The following UBE2E2 variants were observed in gnomAD, a reference collection of about 807,000 sequenced individuals.
UBE2E2 encodes the protein ubiquitin-conjugating enzyme E2 E2.
Under a neutral mutation model 24.7 loss-of-function variants are expected in UBE2E2, and 6 were observed. The observed-to-expected ratio is 0.24, with a 90% CI of 0.13 to 0.48. The LOEUF is 0.48. Among genes scored for constraint, UBE2E2 ranks in the 20% least tolerant of loss-of-function variants. The pLI is 0.99. For missense variants in UBE2E2, 169 were observed against 245.0 expected (o/e 0.69, Z 2.07); for synonymous variants, 104 against 83.6 (o/e 1.24, Z -1.33).
At chr3:23,293,646 G>A (rs1304003919) in intron 3 of UBE2E2, among the ~76,000 whole-genome samples, 1 of 152,166 alleles carries the variant, frequency 6.6e-6, no homozygotes, top group African/African-American at 2.4e-5. Context: ...AAGATTGAAT[G>A]AGCTATTATT....
intron 3 of UBE2E2, among the ~76,000 whole-genome samples, chr3:23,273,320 A>T (rs1205328656): frequency 1.3e-5 from 2 of 152,124 alleles, no homozygotes; most frequent in African/African-American, 4.8e-5. Context: ...TGGGCGGATC[A>T]CGAGGTCAGG....
chr3:23,537,482 C>T (rs1695293305), intron 5 of UBE2E2, among the ~76,000 whole-genome samples: 1 of 152,128 alleles, frequency 6.6e-6, no homozygotes, highest in South Asian at 2.1e-4. Flanking sequence ...ACTAATTAAC[C>T]CTCAGCCTTG....
At chr3:23,376,340 C>T (rs1389285174) in intron 3 of UBE2E2, among the ~76,000 whole-genome samples, 2 of 152,156 alleles carry the variant, frequency 1.3e-5, no homozygotes, top group African/African-American at 4.8e-5. Context: ...GGTATGATTT[C>T]ATGAATCACA....
intron 5 of UBE2E2, among the ~76,000 whole-genome samples, chr3:23,584,726 GTTTTTTTT>G (rs1158915900): frequency 8.8e-6 from 1 of 113,502 alleles, no homozygotes; most frequent in African/African-American, 3.7e-5. Flanking sequence ...GCTGTTTTTT[GTTTTTTTT>G]TTTTTTTTTT....
chr3:23,497,864 T>A (rs965911668), intron 3 of UBE2E2, among the ~76,000 whole-genome samples: 4 of 152,166 alleles, frequency 2.6e-5, no homozygotes, highest in Non-Finnish European at 5.9e-5. Context: ...CTTAACTAGA[T>A]GAGCCTATAT....
At chr3:23,528,799 C>G (rs541416866) in intron 4 of UBE2E2, among the ~76,000 whole-genome samples, 1 of 152,280 alleles carries the variant, frequency 6.6e-6, no homozygotes, top group South Asian at 2.1e-4. Flanking sequence ...TCCTTTCTGC[C>G]TAGGTATTTC....
chr3:23,411,979 A>C (rs892651968), intron 3 of UBE2E2, among the ~76,000 whole-genome samples: 25 of 152,178 alleles, frequency 1.6e-4, no homozygotes, highest in Non-Finnish European at 3.7e-4. Flanking sequence ...ATAAGTGTAG[A>C]GAGAAGTAGA....
intron 3 of UBE2E2, among the ~76,000 whole-genome samples, chr3:23,479,313 A>G (rs917238809): frequency 2.6e-5 from 4 of 152,204 alleles, no homozygotes; most frequent in African/African-American, 9.6e-5. Context: ...GCTCCATGCA[A>G]GACTGTGGCT....
Position 23,443,439 on chromosome 3 carries a change from C to T in UBE2E2, c.228-56169C>T, listed in dbSNP as rs151225507. ...CTGCCACCACTCAGTCCTGTAGGTT[C>T]GTTCCTGAAAACTCTCATAAACTGT... On this transcript the variant is annotated intron_variant, in intron 3 of 5. Transcript: ENST00000396703. Among the ~76,000 whole-genome samples, 7 of 152,246 alleles carry T rather than the reference C, an allele frequency of 4.6e-5. No homozygotes were observed. In the East Asian group the frequency reaches 7.7e-4, roughly 17 times the overall value.
At chr3:23,253,010 A>G (rs1247895768) in intron 3 of UBE2E2, among the ~76,000 whole-genome samples, 1 of 152,198 alleles carries the variant, frequency 6.6e-6, no homozygotes, top group Non-Finnish European at 1.5e-5. Context: ...CATTTATTGA[A>G]TGCTTAGCAT....
intron 3 of UBE2E2, among the ~76,000 whole-genome samples, chr3:23,382,772 A>G (rs1287894557): frequency 6.6e-6 from 1 of 152,228 alleles, no homozygotes; most frequent in Admixed American, 6.5e-5. Context: ...ATTACTCCTT[A>G]AACAAATAAC....
chr3:23,368,342 C>A (rs1227188641), intron 3 of UBE2E2, among the ~76,000 whole-genome samples: 1 of 152,058 alleles, frequency 6.6e-6, no homozygotes, highest in African/African-American at 2.4e-5. Flanking sequence ...TTTAATAATC[C>A]TTCCCACAAC....
intron 3 of UBE2E2, among the ~76,000 whole-genome samples, chr3:23,316,978 T>C (rs1010880687): frequency 1.3e-5 from 2 of 152,048 alleles, no homozygotes; most frequent in African/African-American, 4.8e-5. Flanking sequence ...GGTATCCAAG[T>C]TATAAGTCAA....
intron 5 of UBE2E2, among the ~76,000 whole-genome samples, chr3:23,545,213 C>A (rs6801946): frequency 1.3e-5 from 2 of 151,798 alleles, no homozygotes; most frequent in Non-Finnish European, 1.5e-5. Flanking sequence ...AGACCCTTTA[C>A]GGGTGTCGGG....
At chr3:23,251,104 C>T (rs77999621) in intron 3 of UBE2E2, among the ~76,000 whole-genome samples, 3,254 of 152,302 alleles carry the variant, frequency 0.021, 58 homozygotes, top group Middle Eastern at 0.048. Flanking sequence ...GTCCTCCCAC[C>T]TCTGTCTCCC....
At chr3:23,506,349 A>G (rs1178632943) in intron 4 of UBE2E2, among the ~76,000 whole-genome samples, 1 of 152,224 alleles carries the variant, frequency 6.6e-6, no homozygotes, top group Non-Finnish European at 1.5e-5. Context: ...ACCCCATTCT[A>G]CATCAGCCAG....
chr3:23,262,653 T>G (rs1245245992), intron 3 of UBE2E2, among the ~76,000 whole-genome samples: 2 of 152,110 alleles, frequency 1.3e-5, no homozygotes, highest in Non-Finnish European at 2.9e-5. Flanking sequence ...TTATATATTT[T>G]GGGTATTAAG....
At chr3:23,557,702 T>C in intron 5 of UBE2E2, among the ~76,000 whole-genome samples, 1 of 152,226 alleles carries the variant, frequency 6.6e-6, no homozygotes, top group African/African-American at 2.4e-5. Flanking sequence ...GACCCTGCTG[T>C]AGTTAATGCA....
At chr3:23,528,899 C>G (rs1695059900) in intron 4 of UBE2E2, among the ~76,000 whole-genome samples, 2 of 152,152 alleles carry the variant, frequency 1.3e-5, no homozygotes, top group African/African-American at 4.8e-5. Flanking sequence ...GGCAGCCCTT[C>G]TCCTCCTCAT....
Sources: allele counts gnomAD v4.1 joint callset (sites outside exome capture counted in the v4.1 genomes callset), GRCh38; gene constraint gnomAD v4.1.1; transcripts MANE v1.5; gene names NCBI Gene and HGNC (gene_info 2026-07-23, HGNC 2026-07-21).